CDC14B: variants seen among roughly 807,000 people sequenced by gnomAD.
The protein encoded by CDC14B is dual specificity protein phosphatase CDC14B.
A neutral mutation model predicts 64.2 loss-of-function variants in CDC14B; 22 were observed. The ratio of observed to expected loss-of-function variants is 0.34; its 90% confidence interval spans 0.24 to 0.49. The LOEUF is 0.49. CDC14B is among the 20% of genes least tolerant of loss of function. The pLI is 0.99. For missense variants in CDC14B, 498 were observed against 629.9 expected (o/e 0.79, Z 2.24); for synonymous variants, 191 against 215.8 (o/e 0.89, Z 1.01).
At position 96,566,940 on chromosome 9, in the gene CDC14B, C is replaced by A. The variant is rs1017721965; in HGVS notation, c.161-1457G>T. The stretch of plus-strand genomic sequence containing the variant: ...TTAAAGGGCCGCGCGGGGCAGCGGG[C>A]GCAGCGACACCCCTCGGCGGCCCAA... On this transcript the variant is annotated intron_variant, in intron 1 of 13. Coordinates refer to ENST00000375241, the MANE Select transcript of CDC14B (RefSeq NM_033331.4). 4.7e-5 allele frequency: 71 copies of A among 1,504,096 alleles called. No individual in the cohort carries two copies. The South Asian group carries it at 7.2e-4, about 15-fold the overall frequency. 93.2% of individuals were successfully genotyped at this position (1,504,096 alleles called of 1,614,324 possible). A position where few individuals can be genotyped will look rare whatever the true frequency, so the allele number is the denominator to read the frequency against.
chr9:96,612,077 C>A (rs111387380), intron 1 of CDC14B, among the ~76,000 whole-genome samples: 4 of 152,258 alleles, frequency 2.6e-5, no homozygotes, highest in African/African-American at 7.2e-5. Context: ...GTTTATTCCT[C>A]CTTTTACAGG....
intron 9 of CDC14B, among the ~76,000 whole-genome samples, chr9:96,527,592 A>T (rs1258290163): frequency 6.6e-6 from 1 of 151,800 alleles, no homozygotes; most frequent in Admixed American, 6.6e-5. Context: ...GAAACTCTGG[A>T]CCCATTTTTA....
At chr9:96,496,190 G>A, downstream of CDC14B, 1 of 431,876 alleles carries the variant, frequency 2.3e-6, no homozygotes, top group South Asian at 1.7e-5. Context: ...CCCAGTGGAA[G>A]AATGAGGCAG....
At chr9:96,556,864 A>G (rs956740641) in intron 4 of CDC14B, among the ~76,000 whole-genome samples, 2 of 152,144 alleles carry the variant, frequency 1.3e-5, no homozygotes, top group Non-Finnish European at 2.9e-5. Context: ...GCAGGCTACA[A>G]CTTTCCAGAC....
At chr9:96,610,133 G>GT (rs1450279502) in intron 1 of CDC14B, among the ~76,000 whole-genome samples, 1 of 151,720 alleles carries the variant, frequency 6.6e-6, no homozygotes, top group East Asian at 1.9e-4. Flanking sequence ...ATTCAGATTT[G>GT]TTTTTTGCTT....
intron 1 of CDC14B, among the ~76,000 whole-genome samples, chr9:96,601,117 C>G (rs7859294): frequency 5.3e-5 from 8 of 151,786 alleles, no homozygotes; most frequent in African/African-American, 1.9e-4. Context: ...AAAGTATATG[C>G]GACATAGCAA....
chr9:96,503,824 G>C, intron 13 of CDC14B, 35 bp from the exon 14 acceptor site: 3 of 1,569,194 alleles, frequency 1.9e-6, no homozygotes, highest in South Asian at 1.1e-5. Flanking sequence ...TTACCAGAAA[G>C]TTTACACAGC....
intron 1 of CDC14B, among the ~76,000 whole-genome samples, chr9:96,608,334 T>C (rs1187373862): frequency 6.6e-6 from 1 of 152,240 alleles, no homozygotes; most frequent in Non-Finnish European, 1.5e-5. Flanking sequence ...AAAGCTTTTT[T>C]GACAGTTCAT....
chr9:96,536,962 C>CT (rs1839360748), intron 7 of CDC14B, among the ~76,000 whole-genome samples: 1 of 152,118 alleles, frequency 6.6e-6, no homozygotes, highest in African/African-American at 2.4e-5. Flanking sequence ...TTTTGCCTGG[C>CT]TTATCTCTCC....
intron 13 of CDC14B, among the ~76,000 whole-genome samples, chr9:96,509,408 T>C (rs1001692396): frequency 6.6e-6 from 1 of 152,228 alleles, no homozygotes; most frequent in Admixed American, 6.5e-5. Flanking sequence ...CTTTGGAAAT[T>C]CTTAACTTAA....
chr9:96,560,924 G>GT (rs1292343925), intron 4 of CDC14B, among the ~76,000 whole-genome samples: 3 of 151,456 alleles, frequency 2.0e-5, no homozygotes, highest in Admixed American at 2.0e-4. Flanking sequence ...AAATTTTGAA[G>GT]TTTTCTCAGA....
intron 9 of CDC14B, among the ~76,000 whole-genome samples, chr9:96,531,909 A>AAAGACTCCCCTAT: frequency 6.6e-6 from 1 of 152,160 alleles, no homozygotes; most frequent in South Asian, 2.1e-4. Context: ...TTTCAACCTA[A>AAAGACTCCCCTAT]AAGACTCCCC....
chr9:96,596,360 A>G (rs1846074159), intron 1 of CDC14B, among the ~76,000 whole-genome samples: 1 of 131,370 alleles, frequency 7.6e-6, no homozygotes, highest in African/African-American at 3.7e-5. Context: ...GCAAGACTCC[A>G]TCTCAAAAAA....
At chr9:96,510,608 CTTTT>C (rs879292814) in intron 12 of CDC14B, among the ~76,000 whole-genome samples, 2 of 138,576 alleles carry the variant, frequency 1.4e-5, no homozygotes, top group Admixed American at 7.3e-5. Context: ...ATATGCAATT[CTTTT>C]TTTTTTTTTT....
chr9:96,533,540 T>C (rs1402309906), intron 9 of CDC14B, among the ~76,000 whole-genome samples: 1 of 152,226 alleles, frequency 6.6e-6, no homozygotes, highest in Non-Finnish European at 1.5e-5. Flanking sequence ...CATTTATTAT[T>C]GTATAGTCAT....
rs749750577 is a variant in CDC14B, at chr9:96,534,108, G to T, written c.765C>A (p.His255Gln). ...PETYIQYFKN[H>Q]NVTTIIRLNK... is the part of the protein sequence containing the mutation. ...TCAGACGAATAATGGTAGTAACATT[G>T]TGATTCTTAAAATATTGAATATAAG... Residue 255 changes from histidine to glutamine, a missense_variant, in exon 9 of 14, where the codon CAC (histidine) becomes CAA (glutamine). Coordinates refer to ENST00000375241, the MANE Select transcript of CDC14B (RefSeq NM_033331.4). The T allele has an allele frequency of 3.1e-6, 5 of 1,611,082 alleles. No homozygotes were observed. The South Asian group carries it at 5.5e-5, about 18-fold the overall frequency.
At chr9:96,548,367 C>T (rs1295612091) in intron 5 of CDC14B, among the ~76,000 whole-genome samples, 3 of 152,056 alleles carry the variant, frequency 2.0e-5, no homozygotes, top group Non-Finnish European at 2.9e-5. Flanking sequence ...ACACACTGTT[C>T]ATAACAATGA....
At chr9:96,601,451 T>G (rs1846447944) in intron 1 of CDC14B, among the ~76,000 whole-genome samples, 2 of 141,996 alleles carry the variant, frequency 1.4e-5, no homozygotes, top group Non-Finnish European at 3.1e-5. Flanking sequence ...GAGCCAAGAT[T>G]GCACCACTGC....
chr9:96,605,377 C>A (rs1440597272), intron 1 of CDC14B, among the ~76,000 whole-genome samples: 1 of 152,124 alleles, frequency 6.6e-6, no homozygotes. Flanking sequence ...CCCAGCAAGA[C>A]ACAAGCAGGG....
Sources: gnomAD v4.1 joint callset for allele counts (sites outside exome capture counted in the v4.1 genomes callset) on GRCh38, gnomAD v4.1.1 for gene constraint, MANE v1.5 for transcripts, NCBI Gene and HGNC (gene_info 2026-07-23, HGNC 2026-07-21) for gene names.